Variants in CMC1 observed in about 807,000 individuals in gnomAD.
CMC1 encodes C-X9-C motif containing 1, also known as COX assembly mitochondrial protein homolog.
In CMC1, 14 loss-of-function variants were observed where a neutral mutation model predicts 14.1. That is an observed-to-expected ratio of 0.99 (90% CI 0.66 to 1.55). CMC1 has a LOEUF of 1.55. Ranked by LOEUF, CMC1 falls within the 40% of genes most tolerant of loss-of-function variation. The probability of loss-of-function intolerance (pLI) is 0.00; values close to 1 mark genes in which losing one functional copy is unlikely to be tolerated. For synonymous variants in CMC1, 50 were observed against 38.4 expected, an observed-to-expected ratio of 1.30 and a Z score of -1.12; for missense variants, 127 against 123.8, an observed-to-expected ratio of 1.03 and a Z score of -0.12.
chr3:28,269,001 GAT>G (rs901006759), intron 2 of CMC1, among the ~76,000 whole-genome samples: 1 of 152,126 alleles, frequency 6.6e-6, no homozygotes, highest in Non-Finnish European at 1.5e-5. Flanking sequence ...AGTACAATAA[GAT>G]ATTTTGAGAG....
At chr3:28,266,940 C>T (rs1394834038) in intron 2 of CMC1, among the ~76,000 whole-genome samples, 2 of 152,080 alleles carry the variant, frequency 1.3e-5, no homozygotes, top group South Asian at 2.1e-4. Context: ...TGAAGGAAAA[C>T]CCTAGAATGG....
chr3:28,289,817 A>G (rs535088871), intron 2 of CMC1, among the ~76,000 whole-genome samples: 3 of 152,278 alleles, frequency 2.0e-5, no homozygotes, highest in African/African-American at 7.2e-5. Context: ...AATGTAGAAA[A>G]TATAAAATGC....
chr3:28,247,202 A>G (rs775395545), intron 1 of CMC1, among the ~76,000 whole-genome samples: 1 of 152,110 alleles, frequency 6.6e-6, no homozygotes, highest in Admixed American at 6.5e-5. Context: ...CCATACAATT[A>G]GTTATTTCTC....
rs568934218 is a variant in CMC1, at chr3:28,303,604, T to C, written c.110-12729T>C. Among the ~76,000 whole-genome samples the C allele has an allele frequency of 3.0e-4, 45 of 152,236 alleles. No individual in the cohort carries two copies. The South Asian group carries it at 9.3e-3, about 32-fold the overall frequency. ...ACAATGTTGGAAATTTTGATCTTTG[T>C]CAAAGAAGTTAGATAACAGTAATGG... On this transcript the variant is annotated intron_variant, in intron 2 of 3. Transcript: ENST00000466830.
intron 2 of CMC1, among the ~76,000 whole-genome samples, chr3:28,308,968 C>T (rs565325680): frequency 5.3e-5 from 7 of 130,994 alleles, no homozygotes; most frequent in Admixed American, 3.3e-4. Context: ...GGCGACGGAG[C>T]GAGACTCCGT....
Position 28,241,713 on chromosome 3 carries a change from G to A in CMC1, c.-81G>A, listed in dbSNP as rs924530396. On this transcript the variant is annotated 5_prime_UTR_variant, in exon 1 of 4. Transcript: ENST00000466830. Reference sequence around the variant, plus strand: ...GCTCCCGGGGGTCGCACGTGCGTCCGAGCCCAAGCCCCTCCCCTCCACTCC... The same window carrying A: ...GCTCCCGGGGGTCGCACGTGCGTCCAAGCCCAAGCCCCTCCCCTCCACTCC... 8.1e-7 allele frequency: 1 copy of A among 1,238,618 alleles called. No individual in the cohort carries two copies. The highest frequency in any genetic ancestry group is 1.6e-5 in the African/African-American group (1 of 64,444). The allele number at this position is 1,238,618 out of a possible 1,614,324, so 76.7% of individuals were successfully genotyped here.
At chr3:28,246,081 G>T (rs1698812616) in intron 1 of CMC1, among the ~76,000 whole-genome samples, 1 of 151,518 alleles carries the variant, frequency 6.6e-6, no homozygotes, top group Non-Finnish European at 1.5e-5. Context: ...GGGATTATAG[G>T]CATAAGCCAC....
chr3:28,298,867 T>C (rs1040586775), intron 2 of CMC1, among the ~76,000 whole-genome samples: 1 of 152,020 alleles, frequency 6.6e-6, no homozygotes, highest in Non-Finnish European at 1.5e-5. Context: ...AGAAATAATT[T>C]GGTTGTTTTT....
At chr3:28,242,069 C>CT (rs1243123208) in intron 1 of CMC1, among the ~76,000 whole-genome samples, 1 of 152,222 alleles carries the variant, frequency 6.6e-6, no homozygotes, top group African/African-American at 2.4e-5. Flanking sequence ...CGCGACTAGT[C>CT]TCTTCATTGT....
At chr3:28,248,603 G>T (rs191110702) in intron 1 of CMC1, among the ~76,000 whole-genome samples, 18 of 152,252 alleles carry the variant, frequency 1.2e-4, no homozygotes, top group African/African-American at 3.9e-4. Flanking sequence ...CTTGTTGCCT[G>T]GATTAGTATC....
intron 1 of CMC1, among the ~76,000 whole-genome samples, chr3:28,244,887 G>GT (rs34300975): frequency 0.018 from 2,615 of 142,796 alleles, 31 homozygotes; most frequent in African/African-American, 0.036. Context: ...AAGTAGGAAG[G>GT]TTTTTTTTTT....
intron 2 of CMC1, 110 bp downstream of exon 2, chr3:28,263,490 C>T: frequency 3.2e-6 from 2 of 625,642 alleles, no homozygotes; most frequent in Non-Finnish European, 5.4e-6. Context: ...GTATGAATTG[C>T]TTCTCACCCT....
At chr3:28,319,347 G>A (rs762839165) in intron 3 of CMC1, 162 bp from the exon 4 acceptor site, 1 of 699,706 alleles carries the variant, frequency 1.4e-6, no homozygotes, top group South Asian at 1.5e-5. Flanking sequence ...TCTTTAGTTT[G>A]GTAGCATAAA....
intron 1 of CMC1, 78 bp downstream of exon 1, chr3:28,241,890 G>A (rs1256904294): frequency 1.6e-6 from 2 of 1,214,906 alleles, no homozygotes; most frequent in Non-Finnish European, 2.1e-6. Context: ...GCTGGATGCC[G>A]ACCTGGGAAA....
intron 1 of CMC1, among the ~76,000 whole-genome samples, chr3:28,242,233 A>G (rs930763585): frequency 2.6e-5 from 4 of 152,228 alleles, no homozygotes; most frequent in Non-Finnish European, 4.4e-5. Context: ...AACCCAACTT[A>G]AAAACATATT....
intron 1 of CMC1, among the ~76,000 whole-genome samples, chr3:28,256,174 T>TACAC (rs1259674470): frequency 6.6e-6 from 1 of 151,502 alleles, no homozygotes; most frequent in East Asian, 1.9e-4. Context: ...TATATATATA[T>TACAC]ACACACATAT....
At chr3:28,268,850 A>G (rs950655855) in intron 2 of CMC1, among the ~76,000 whole-genome samples, 1 of 152,252 alleles carries the variant, frequency 6.6e-6, no homozygotes, top group Non-Finnish European at 1.5e-5. Flanking sequence ...TATTTTAAAA[A>G]TAACTGAACA....
At chr3:28,252,486 T>C (rs566400899) in intron 1 of CMC1, among the ~76,000 whole-genome samples, 39 of 152,332 alleles carry the variant, frequency 2.6e-4, no homozygotes, top group Non-Finnish European at 3.8e-4. Context: ...GCTGACAAAT[T>C]GCTCCCCTTG....
intron 2 of CMC1, among the ~76,000 whole-genome samples, chr3:28,299,139 C>T (rs918496516): frequency 2.6e-5 from 4 of 152,124 alleles, no homozygotes; most frequent in Middle Eastern, 3.4e-3. Flanking sequence ...TCTCTGTGTT[C>T]AAATTAATCA....
Sources: gnomAD v4.1 joint callset for allele counts (sites outside exome capture counted in the v4.1 genomes callset) on GRCh38, gnomAD v4.1.1 for gene constraint, MANE v1.5 for transcripts, NCBI Gene and HGNC (gene_info 2026-07-23, HGNC 2026-07-21) for gene names.